The following CYTIP variants were observed in gnomAD, a reference collection of about 807,000 sequenced individuals.
The protein encoded by CYTIP is cytohesin-interacting protein.
Under a neutral mutation model 43.8 loss-of-function variants are expected in CYTIP, and 26 were observed. The ratio of observed to expected loss-of-function variants is 0.59; its 90% CI spans 0.44 to 0.82. The LOEUF (loss-of-function observed/expected upper bound fraction) is 0.82, where lower values mean the gene tolerates loss of function less well. CYTIP is among the 40% of genes least tolerant of loss of function. The pLI is 0.00. For missense variants in CYTIP, 426 were observed against 443.1 expected (o/e 0.96, Z 0.35); for synonymous variants, 162 against 162.9 (o/e 0.99, Z 0.04).
intron 5 of CYTIP, among the ~76,000 whole-genome samples, chr2:157,428,298 A>G (rs1198618824): frequency 1.3e-5 from 2 of 152,214 alleles, no homozygotes; most frequent in East Asian, 3.8e-4. Context: ...GTACCTCTCT[A>G]TAAAGATGCA....
intron 7 of CYTIP, among the ~76,000 whole-genome samples, chr2:157,418,297 G>A (rs1370380087): frequency 6.6e-6 from 1 of 152,118 alleles, no homozygotes; most frequent in Admixed American, 6.5e-5. Context: ...GTGCATCTGT[G>A]TGCATGTGCA....
chr2:157,439,649 G>T (rs1019796534), intron 1 of CYTIP, among the ~76,000 whole-genome samples: 1 of 152,144 alleles, frequency 6.6e-6, no homozygotes, highest in African/African-American at 2.4e-5. Context: ...GGCAACAGCT[G>T]TCTTTTATTA....
At chr2:157,429,687 G>C (rs918334562) in intron 5 of CYTIP, among the ~76,000 whole-genome samples, 2 of 152,106 alleles carry the variant, frequency 1.3e-5, no homozygotes, top group African/African-American at 4.8e-5. Flanking sequence ...TGTTATGGTA[G>C]AAAAATCAGT....
At chr2:157,417,123 G>A (rs1469363659) in intron 7 of CYTIP, among the ~76,000 whole-genome samples, 1 of 152,178 alleles carries the variant, frequency 6.6e-6, no homozygotes, top group Non-Finnish European at 1.5e-5. Context: ...CTCCACTGCT[G>A]CTGTCTTTTG....
chr2:157,425,690 C>G (rs1032247534), intron 6 of CYTIP, among the ~76,000 whole-genome samples: 1 of 152,170 alleles, frequency 6.6e-6, no homozygotes, highest in Non-Finnish European at 1.5e-5. Flanking sequence ...ATTTTTCATT[C>G]TTGTTTTCAA....
Position 157,427,376 on chromosome 2 carries a change from A to G in CYTIP, c.521T>C (p.Leu174Pro). ...NGTMILKRTE[L>P]EAKLQVLKQT... is the part of the protein sequence containing the mutation. ...CTTTAAAACCTGCAGCTTTGCTTCAAGCTCCGTTCTTTTCAGAATCATTGT... is the reference window on the plus strand; with the variant it reads ...CTTTAAAACCTGCAGCTTTGCTTCAGGCTCCGTTCTTTTCAGAATCATTGT... Residue 174 changes from leucine (L) to proline (P), a missense_variant, in exon 6 of 8, where the codon CTT becomes CCT. Physicochemically the swap from Leu to Pro is moderately conservative, Grantham distance 98 (BLOSUM62 -3). Transcript: ENST00000264192. 1 of 1,610,434 alleles carries G rather than the reference A, an allele frequency of 6.2e-7. No individual in the cohort carries two copies. Among genetic ancestry groups the G allele is most frequent in the Non-Finnish European group, 8.5e-7 (1 of 1,178,818 alleles).
chr2:157,420,909 T>C (rs2105133548), intron 6 of CYTIP, among the ~76,000 whole-genome samples: 1 of 152,328 alleles, frequency 6.6e-6, no homozygotes, highest in East Asian at 1.9e-4. Flanking sequence ...GAAGTTATAT[T>C]TCTGCACTTA....
intron 7 of CYTIP, among the ~76,000 whole-genome samples, chr2:157,417,944 T>C (rs1309582877): frequency 6.6e-6 from 1 of 152,230 alleles, no homozygotes; most frequent in Admixed American, 6.5e-5. Context: ...ATACAACAAA[T>C]AGCGAATTAA....
rs1486811405 is a variant in CYTIP at position 157,443,944 on chromosome 2, G to A, written c.77C>T (p.Ser26Phe). 6.2e-7 allele frequency: 1 copy of A among 1,614,036 alleles called. No homozygotes were observed. Among genetic ancestry groups the A allele is most frequent in the East Asian group, 2.2e-5 (1 of 44,900 alleles). The change falls in exon 1 of 8, where the codon TCT becomes TTT. Residue 26 changes from serine to phenylalanine, a missense_variant. Physicochemically the swap from Ser to Phe is radical, Grantham distance 155. Coordinates refer to ENST00000264192, the MANE Select transcript of CYTIP (RefSeq NM_004288.5). The stretch of plus-strand genomic sequence containing the variant: ...AAGGCTGCCGGTGAGTGTGGAGTAA[G>A]AGCTATACGCTGGCCCAGCGCAGAA... ...ADFCAGPAYSSYSTLTGSLTM... is the reference protein window; with the variant it reads ...ADFCAGPAYSFYSTLTGSLTM...
chr2:157,425,354 C>A (rs760073030), intron 6 of CYTIP, among the ~76,000 whole-genome samples: 1 of 152,122 alleles, frequency 6.6e-6, no homozygotes, highest in African/African-American at 2.4e-5. Flanking sequence ...ATGCAACAAA[C>A]AACAGCAAAC....
At chr2:157,421,000 T>C (rs1371322932) in intron 6 of CYTIP, among the ~76,000 whole-genome samples, 11 of 152,228 alleles carry the variant, frequency 7.2e-5, no homozygotes, top group Admixed American at 7.2e-4. Context: ...TTGCAATATC[T>C]GATTTGTTGA....
In CYTIP at chr2:157,428,814, C is replaced by T. The variant is rs1035499566; in HGVS notation, c.477-1394G>A. Among the ~76,000 whole-genome samples, 9 of 152,184 alleles carry T rather than the reference C, an allele frequency of 5.9e-5. 1 individual carries two copies. Among genetic ancestry groups the T allele is most frequent in the Non-Finnish European group, 2.9e-5 (2 of 68,030 alleles). ...GTTGGACCCAATTTGTTACCACCAC[C>T]ATCTTTCAAATCTGCTCTCACAAAC... On this transcript the variant is annotated intron_variant, in intron 5 of 7. Transcript: ENST00000264192.
intron 3 of CYTIP, among the ~76,000 whole-genome samples, chr2:157,431,754 C>T (rs1685716997): frequency 6.6e-6 from 1 of 152,122 alleles, no homozygotes; most frequent in East Asian, 1.9e-4. Flanking sequence ...AATCAGTGTT[C>T]TGAGTAGAGT....
chr2:157,432,237 A>G (rs558962768), intron 3 of CYTIP, among the ~76,000 whole-genome samples: 1 of 152,194 alleles, frequency 6.6e-6, no homozygotes, highest in African/African-American at 2.4e-5. Flanking sequence ...CAGTAGAAAC[A>G]TGTTGATTTA....
At position 157,415,669 on chromosome 2, in the gene CYTIP, A is replaced by G. The variant is rs1438450177; in HGVS notation, c.*8T>C. The G allele has an allele frequency of 2.5e-6, 4 of 1,578,716 alleles. No individual in the cohort carries two copies. Among genetic ancestry groups the G allele is most frequent in the Non-Finnish European group, 2.6e-6 (3 of 1,154,644 alleles). On this transcript the variant is annotated 3_prime_UTR_variant, in exon 8 of 8. Coordinates refer to ENST00000264192, the MANE Select transcript of CYTIP (RefSeq NM_004288.5). Reference sequence around the variant, plus strand: ...AAATAAGCTAATTTGAAAGGACACCACAATCCGTCAAAAGCGACTTTCTTC... The same window carrying G: ...AAATAAGCTAATTTGAAAGGACACCGCAATCCGTCAAAAGCGACTTTCTTC...
intron 6 of CYTIP, among the ~76,000 whole-genome samples, chr2:157,420,650 C>CAAAAAAAAAA (rs56029960): frequency 1.4e-5 from 1 of 70,100 alleles, no homozygotes; most frequent in African/African-American, 5.7e-5. Context: ...GACCCTGCCA[C>CAAAAAAAAAA]AAAAAAAAAA....
chr2:157,434,628 G>C, intron 2 of CYTIP, 70 bp downstream of exon 2: 1 of 1,206,060 alleles, frequency 8.3e-7, no homozygotes, highest in Non-Finnish European at 1.2e-6. Context: ...GAAGAGAGAG[G>C]AAAAAACAGT....
Position 157,415,675 on chromosome 2 carries a change from C to T in CYTIP, c.*2G>A, listed in dbSNP as rs1331261270. On this transcript the variant is annotated 3_prime_UTR_variant, in exon 8 of 8. Transcript: ENST00000264192. ...GCTAATTTGAAAGGACACCACAATC[C>T]GTCAAAAGCGACTTTCTTCCTCTTC... The T allele has an allele frequency of 4.4e-6, 7 of 1,589,928 alleles. No homozygotes were observed. The highest frequency in any genetic ancestry group is 2.2e-5 in the East Asian group (1 of 44,730).
intron 6 of CYTIP, among the ~76,000 whole-genome samples, chr2:157,419,208 C>G (rs1436155363): frequency 6.6e-6 from 1 of 152,180 alleles, no homozygotes; most frequent in African/African-American, 2.4e-5. Flanking sequence ...CCACGCTGGC[C>G]AGGCTGATCT....
Sources: gnomAD v4.1 joint callset for allele counts (sites outside exome capture counted in the v4.1 genomes callset) on GRCh38, gnomAD v4.1.1 for gene constraint, MANE v1.5 for transcripts, NCBI Gene and HGNC (gene_info 2026-07-23, HGNC 2026-07-21) for gene names.